L3MBTL4: variants seen among roughly 807,000 people sequenced by gnomAD.
The protein encoded by L3MBTL4 is lethal(3)malignant brain tumor-like protein 4.
In L3MBTL4, 70 loss-of-function variants were observed where a neutral mutation model predicts 84.5. The ratio of observed to expected loss-of-function variants is 0.83; its 90% CI spans 0.68 to 1.01. The LOEUF (loss-of-function observed/expected upper bound fraction) is 1.01. L3MBTL4 is among the 50% of genes least tolerant of loss of function. L3MBTL4 has a pLI of 0.00. For missense variants in L3MBTL4, 715 were observed against 754.8 expected (o/e 0.95, Z 0.62); for synonymous variants, 274 against 259.8 (o/e 1.05, Z -0.52).
intron 5 of L3MBTL4, chr18:6,260,358 T>C (rs1348488650): frequency 1.3e-5 from 2 of 152,218 alleles, no homozygotes; most frequent in African/African-American, 2.4e-5. Context: ...GTTTAATCTA[T>C]AGATTGCTTT....
At chr18:6,046,817 A>T (rs935405216) in intron 16 of L3MBTL4, 5 of 748,766 alleles carry the variant, frequency 6.7e-6, no homozygotes, top group African/African-American at 5.2e-5. Flanking sequence ...ATCTCAAACT[A>T]ACAATCTAAT....
chr18:5,971,764 A>G (rs924029295), intron 16 of L3MBTL4, among the ~76,000 whole-genome samples: 1 of 152,198 alleles, frequency 6.6e-6, no homozygotes. Context: ...TGTGTGGCTG[A>G]ACAGTCCAGG....
At chr18:5,992,984 C>T (rs1185566292) in intron 16 of L3MBTL4, among the ~76,000 whole-genome samples, 2 of 152,260 alleles carry the variant, frequency 1.3e-5, no homozygotes, top group Non-Finnish European at 2.9e-5. Context: ...GATCTGATTT[C>T]GATTCCAGAA....
At chr18:6,166,714 C>A (rs2043678523) in intron 13 of L3MBTL4, among the ~76,000 whole-genome samples, 1 of 151,904 alleles carries the variant, frequency 6.6e-6, no homozygotes, top group African/African-American at 2.4e-5. Flanking sequence ...TAAATGCCCA[C>A]AAGAGAAAGC....
chr18:6,292,798 T>A (rs1279068371), intron 4 of L3MBTL4, among the ~76,000 whole-genome samples: 3 of 152,122 alleles, frequency 2.0e-5, no homozygotes, highest in Non-Finnish European at 4.4e-5. Flanking sequence ...TATTAATCTC[T>A]GAAAGCCTGG....
chr18:6,112,357 A>G (rs2059221532), intron 14 of L3MBTL4, among the ~76,000 whole-genome samples: 1 of 152,126 alleles, frequency 6.6e-6, no homozygotes, highest in South Asian at 2.1e-4. Context: ...TTCCAGTGAA[A>G]TCTCTCCCTT....
intron 1 of L3MBTL4, among the ~76,000 whole-genome samples, chr18:6,347,994 G>A (rs2052999532): frequency 6.6e-6 from 1 of 151,942 alleles, no homozygotes; most frequent in South Asian, 2.1e-4. Flanking sequence ...AGTCAATCTT[G>A]TTTCCATATA....
chr18:6,359,778 C>CTAA (rs1391225235), intron 1 of L3MBTL4, among the ~76,000 whole-genome samples: 4 of 151,924 alleles, frequency 2.6e-5, no homozygotes, highest in African/African-American at 9.7e-5. Context: ...GAGTGCTTTA[C>CTAA]AGACTTATGT....
rs184875854 is a variant in L3MBTL4 at position 6,319,854 on chromosome 18, A to G, written c.-90-7798T>C. 1.7e-4 allele frequency among the ~76,000 whole-genome samples: 26 copies of G among 152,254 alleles called. No homozygotes were observed. In the East Asian group the frequency reaches 4.6e-3, roughly 27 times the overall value. Reference sequence around the variant, plus strand: ...AATAAATAAAGGAAAAGAAAACTGCAAATCAATATCCCTGATGAACATAGA... The same window carrying G: ...AATAAATAAAGGAAAAGAAAACTGCGAATCAATATCCCTGATGAACATAGA... On this transcript the variant is annotated intron_variant, in intron 1 of 18. Coordinates refer to ENST00000317931, the MANE Select transcript of L3MBTL4 (RefSeq NM_001330559.2).
chr18:6,061,933 G>T (rs1034240864), intron 16 of L3MBTL4, among the ~76,000 whole-genome samples: 1 of 151,600 alleles, frequency 6.6e-6, no homozygotes, highest in East Asian at 1.9e-4. Flanking sequence ...TGTTATTGCC[G>T]GCATTCATTT....
intron 16 of L3MBTL4, among the ~76,000 whole-genome samples, chr18:5,992,620 T>C (rs2053756301): frequency 1.3e-5 from 2 of 152,232 alleles, no homozygotes; most frequent in Non-Finnish European, 2.9e-5. Context: ...AGATCCCTCA[T>C]GAGCGGCTTG....
At chr18:6,145,407 G>A (rs1261242068) in intron 13 of L3MBTL4, among the ~76,000 whole-genome samples, 1 of 151,976 alleles carries the variant, frequency 6.6e-6, no homozygotes, top group Admixed American at 6.6e-5. Context: ...CAGTGATAAT[G>A]CTGACCCTGA....
rs1234539116 is a variant in L3MBTL4 at position 5,955,256 on chromosome 18, G to C, written c.*964C>G. On this transcript the variant is annotated 3_prime_UTR_variant, in exon 19 of 19. Coordinates refer to ENST00000317931, the MANE Select transcript of L3MBTL4 (RefSeq NM_001330559.2). ...GTTTCAAACAAAGAATAAGTACCAC[G>C]CTCCCTACTTTAGAGATCTTCCCTT... The C allele has an allele frequency of 3.3e-5, 5 of 152,154 alleles. No individual in the cohort carries two copies. The highest frequency in any genetic ancestry group is 1.2e-4 in the African/African-American group (5 of 41,422). 9.4% of individuals were successfully genotyped at this position (152,154 alleles called of 1,614,324 possible). A position where few individuals can be genotyped will look rare whatever the true frequency, so the allele number is the denominator to read the frequency against.
chr18:6,058,245 G>A (rs1277014479), intron 16 of L3MBTL4, among the ~76,000 whole-genome samples: 1 of 152,126 alleles, frequency 6.6e-6, no homozygotes, highest in Non-Finnish European at 1.5e-5. Context: ...GAATCCCAGG[G>A]CAATCTTTGT....
intron 12 of L3MBTL4, among the ~76,000 whole-genome samples, chr18:6,173,321 GAGCCCTTAACATC>G (rs1175692734): frequency 1.3e-5 from 2 of 152,162 alleles, no homozygotes; most frequent in African/African-American, 2.4e-5. Context: ...CATCCCAGAT[GAGCCCTTAACATC>G]AGCCTGGAGA....
chr18:6,213,401 T>C, intron 11 of L3MBTL4, 142 bp from the exon 12 acceptor site: 1 of 571,796 alleles, frequency 1.7e-6, no homozygotes. Context: ...TTTGTTTTGC[T>C]TTTTTGTTTT....
At chr18:6,276,657 A>T (rs955007116) in intron 4 of L3MBTL4, among the ~76,000 whole-genome samples, 4 of 143,758 alleles carry the variant, frequency 2.8e-5, no homozygotes, top group African/African-American at 1.1e-4. Flanking sequence ...AAAGCATTAA[A>T]AAAAAAAAAA....
chr18:6,307,062 G>A (rs1280733060), intron 3 of L3MBTL4, among the ~76,000 whole-genome samples: 2 of 151,918 alleles, frequency 1.3e-5, no homozygotes, highest in Non-Finnish European at 2.9e-5. Flanking sequence ...CTCCTTAAGG[G>A]GCCCAGATAA....
chr18:6,242,064 G>A (rs561241563), intron 7 of L3MBTL4, among the ~76,000 whole-genome samples: 10 of 152,274 alleles, frequency 6.6e-5, no homozygotes, highest in African/African-American at 1.9e-4. Context: ...ACACAGTGCT[G>A]GCCAAACAGT....
Sources: gnomAD v4.1 joint callset for allele counts (sites outside exome capture counted in the v4.1 genomes callset) on GRCh38, gnomAD v4.1.1 for gene constraint, MANE v1.5 for transcripts, NCBI Gene and HGNC (gene_info 2026-07-23, HGNC 2026-07-21) for gene names.